Variants in CDH11 observed in about 807,000 individuals in gnomAD.
The protein encoded by CDH11 is cadherin 11.
A neutral mutation model predicts 67.8 loss-of-function variants in CDH11; 11 were observed. That is an observed-to-expected ratio of 0.16 (90% CI 0.10 to 0.27). The LOEUF is 0.27. Ranked by LOEUF, CDH11 falls within the 10% of genes least tolerant of loss-of-function variation. The pLI is 1.00. For missense variants in CDH11, 847 were observed against 1,031.2 expected (o/e 0.82, Z 2.45); for synonymous variants, 419 against 400.0 (o/e 1.05, Z -0.57).
rs190609271 is a variant in CDH11 at position 64,947,138 on chromosome 16, C to T, written c.*465G>A. ...CATACATTGTATGGGTTTAAGCTGG[C>T]TGAATATTATATATTTCAAGTTTAA... On this transcript the variant is annotated 3_prime_UTR_variant, in exon 13 of 13. Coordinates refer to ENST00000268603, the MANE Select transcript of CDH11 (RefSeq NM_001797.4). 9.6e-7 allele frequency: 1 copy of T among 1,043,394 alleles called. No homozygotes were observed. Among genetic ancestry groups the T allele is most frequent in the East Asian group, 5.8e-5 (1 of 17,126 alleles). The allele number at this position is 1,043,394 out of a possible 1,614,324, so 64.6% of individuals were successfully genotyped here.
intron 11 of CDH11, among the ~76,000 whole-genome samples, chr16:64,969,221 T>C (rs1311400359): frequency 6.6e-6 from 1 of 152,210 alleles, no homozygotes; most frequent in East Asian, 1.9e-4. Flanking sequence ...CTTAGTATAA[T>C]GTTTTCAGAG....
intron 8 of CDH11, among the ~76,000 whole-genome samples, chr16:64,976,867 C>G (rs879925400): frequency 6.1e-4 from 92 of 151,154 alleles, no homozygotes; most frequent in Admixed American, 1.3e-3. Flanking sequence ...ACCAACCAAC[C>G]AACCAACCAA....
chr16:64,996,623 C>T (rs896767353), intron 4 of CDH11, among the ~76,000 whole-genome samples: 3 of 152,074 alleles, frequency 2.0e-5, no homozygotes, highest in South Asian at 2.1e-4. Flanking sequence ...TTCACAATAG[C>T]GAAGACATGG....
At chr16:64,972,231 G>A (rs898206348) in intron 9 of CDH11, among the ~76,000 whole-genome samples, 167 bp from the exon 10 acceptor site, 3 of 152,148 alleles carry the variant, frequency 2.0e-5, no homozygotes, top group South Asian at 2.1e-4. Flanking sequence ...GTTAGTGGGA[G>A]AGGCATATCC....
At chr16:64,948,822 G>A (rs965331021) in intron 12 of CDH11, 14 of 1,434,254 alleles carry the variant, frequency 9.8e-6, no homozygotes, top group Non-Finnish European at 1.0e-5. Context: ...TATAAGGAAA[G>A]TTCAGGCACA....
At chr16:64,948,202 T>C in intron 12 of CDH11, 103 bp from the exon 13 acceptor site, 6 of 1,418,302 alleles carry the variant, frequency 4.2e-6, no homozygotes, top group Non-Finnish European at 5.7e-6. Context: ...GTATAAATGC[T>C]CAGAACAGGA....
At chr16:65,104,825 TG>T (rs1421623292) in intron 1 of CDH11, among the ~76,000 whole-genome samples, 1 of 152,220 alleles carries the variant, frequency 6.6e-6, no homozygotes, top group Admixed American at 6.5e-5. Flanking sequence ...GTGCCCCATT[TG>T]TTCATTCAAA....
chr16:65,076,141 T>A (rs1459278347), intron 1 of CDH11, among the ~76,000 whole-genome samples: 1 of 152,144 alleles, frequency 6.6e-6, no homozygotes, highest in Non-Finnish European at 1.5e-5. Context: ...GCAGTAATTG[T>A]GTTTCAGCAA....
chr16:64,954,181 A>G (rs1220858700), intron 11 of CDH11, among the ~76,000 whole-genome samples: 2 of 152,206 alleles, frequency 1.3e-5, no homozygotes, highest in Non-Finnish European at 2.9e-5. Flanking sequence ...CACAGAAACC[A>G]CTACGTAAAA....
intron 11 of CDH11, among the ~76,000 whole-genome samples, chr16:64,956,422 T>C (rs1202663878): frequency 6.6e-6 from 1 of 152,242 alleles, no homozygotes; most frequent in African/African-American, 2.4e-5. Flanking sequence ...GGAAATGTCA[T>C]TGTAGCTCTG....
chr16:65,103,676 T>C (rs2075027103), intron 1 of CDH11, among the ~76,000 whole-genome samples: 1 of 152,166 alleles, frequency 6.6e-6, no homozygotes, highest in South Asian at 2.1e-4. Flanking sequence ...TCTTCAAAAG[T>C]TGAGACCTGC....
intron 2 of CDH11, among the ~76,000 whole-genome samples, chr16:65,017,912 T>G (rs891104549): frequency 2.0e-5 from 3 of 152,222 alleles, no homozygotes; most frequent in Non-Finnish European, 4.4e-5. Context: ...GGTCCCCATT[T>G]TTATTAAAAA....
chr16:65,094,061 T>C (rs1461829254), intron 1 of CDH11, among the ~76,000 whole-genome samples: 1 of 152,232 alleles, frequency 6.6e-6, no homozygotes, highest in Middle Eastern at 3.2e-3. Flanking sequence ...CCCATTTATT[T>C]AAGGCCTCTC....
In CDH11 at chr16:65,081,384, T is replaced by C. The variant is rs574197667; in HGVS notation, c.-297-27456A>G. On this transcript the variant is annotated intron_variant, in intron 1 of 12. Coordinates refer to ENST00000268603, the MANE Select transcript of CDH11 (RefSeq NM_001797.4). ...GAGATCGAGACCATCCTGGCTAACA[T>C]GGTGAAACTCCCTCTCTACCAAAAA... Among the ~76,000 whole-genome samples the C allele has an allele frequency of 2.4e-4, 37 of 151,958 alleles. 1 individual carries two copies. The highest frequency in any genetic ancestry group is 2.1e-4 in the Non-Finnish European group (14 of 67,994).
At chr16:65,031,713 C>A (rs2073647441) in intron 2 of CDH11, among the ~76,000 whole-genome samples, 7 of 152,070 alleles carry the variant, frequency 4.6e-5, no homozygotes, top group Admixed American at 3.3e-4. Context: ...ATCACATACA[C>A]ACATGAATAA....
intron 1 of CDH11, among the ~76,000 whole-genome samples, chr16:65,098,374 G>C (rs1011183656): frequency 6.6e-6 from 1 of 152,134 alleles, no homozygotes; most frequent in Admixed American, 6.6e-5. Flanking sequence ...TATTACTCTA[G>C]CAGCAAGGAA....
At chr16:64,997,728 T>C (rs1185185885) in intron 4 of CDH11, among the ~76,000 whole-genome samples, 1 of 152,334 alleles carries the variant, frequency 6.6e-6, no homozygotes, top group East Asian at 1.9e-4. Context: ...AAAAGCTCTG[T>C]ATGCACAGTG....
chr16:64,981,859 T>A lies in CDH11; in HGVS notation c.1253+189A>T, dbSNP rs2072358760. ...AAGTCATGTAGCTTGAACAATCCTA[T>A]CCAAAAAGTCAGGAACAGAGGTGAA... On this transcript the variant is annotated intron_variant, in intron 8 of 12. Coordinates refer to ENST00000268603, the MANE Select transcript of CDH11 (RefSeq NM_001797.4). 5 of 514,334 alleles carry A rather than the reference T, an allele frequency of 9.7e-6. No individual in the cohort carries two copies. In the South Asian group the frequency reaches 1.8e-4, roughly 19 times the overall value. The allele number at this position is 514,334 out of a possible 1,614,324, so 31.9% of individuals were successfully genotyped here.
At chr16:65,010,023 T>C (rs1482747025) in intron 2 of CDH11, among the ~76,000 whole-genome samples, 1 of 152,174 alleles carries the variant, frequency 6.6e-6, no homozygotes, top group Admixed American at 6.6e-5. Context: ...TGTTATTGGG[T>C]GGAGAATGAA....
Sources: gnomAD v4.1 joint callset for allele counts (sites outside exome capture counted in the v4.1 genomes callset) on GRCh38, gnomAD v4.1.1 for gene constraint, MANE v1.5 for transcripts, NCBI Gene and HGNC (gene_info 2026-07-23, HGNC 2026-07-21) for gene names.